The following FBN1 variants were observed in gnomAD, a reference collection of about 807,000 sequenced individuals.
The protein encoded by FBN1 is fibrillin-1.
FBN1 carries 29 observed loss-of-function variants against 365.1 expected under a neutral mutation model. That is an observed-to-expected ratio of 0.08 (90% confidence interval 0.06 to 0.11). The LOEUF (loss-of-function observed/expected upper bound fraction) is 0.11, where lower values mean the gene tolerates loss of function less well. Ranked by LOEUF, FBN1 falls within the 10% of genes least tolerant of loss-of-function variation. The pLI, the probability that FBN1 is intolerant of heterozygous loss-of-function variation, is 1.00. For synonymous variants in FBN1, 1,210 were observed against 1,270.5 expected (o/e 0.95, Z 1.01); for missense variants, 2,476 against 3,703.2 (o/e 0.67, Z 8.60).
chr15:48,496,911 T>G (rs1303060354), intron 19 of FBN1, among the ~76,000 whole-genome samples: 1 of 152,196 alleles, frequency 6.6e-6, no homozygotes, highest in African/African-American at 2.4e-5. Flanking sequence ...GGAGAAGAGC[T>G]GCTTCTCTCT....
intron 7 of FBN1, 40 bp downstream of exon 7, chr15:48,537,559 CTCCAGAGCAAAT>C: frequency 6.2e-7 from 1 of 1,607,216 alleles, no homozygotes; most frequent in Non-Finnish European, 8.5e-7. Flanking sequence ...GAGAATGGCT[CTCCAGAGCAAAT>C]AAGATTAATC....
chr15:48,467,208 C>T (rs1413242826), intron 38 of FBN1, among the ~76,000 whole-genome samples: 2 of 152,172 alleles, frequency 1.3e-5, no homozygotes, highest in Non-Finnish European at 2.9e-5. Context: ...GCCTACTATG[C>T]TGTATTCTCC....
chr15:48,494,916 T>C (rs1004576517), intron 22 of FBN1, among the ~76,000 whole-genome samples: 3 of 152,176 alleles, frequency 2.0e-5, no homozygotes, highest in African/African-American at 7.2e-5. Flanking sequence ...CTAACCACAT[T>C]ACAATGTGAA....
chr15:48,470,421 C>CAAACT (rs778339018), intron 36 of FBN1, among the ~76,000 whole-genome samples: 1 of 152,210 alleles, frequency 6.6e-6, no homozygotes, highest in Non-Finnish European at 1.5e-5. Context: ...TTCAAGGCTA[C>CAAACT]AAACTGTGCT....
intron 5 of FBN1, among the ~76,000 whole-genome samples, chr15:48,598,677 A>G (rs1274666656): frequency 6.6e-6 from 1 of 152,102 alleles, no homozygotes; most frequent in Non-Finnish European, 1.5e-5. Flanking sequence ...CTGACAGGTA[A>G]GCTCCTACCC....
chr15:48,503,211 C>T (rs920929896), intron 17 of FBN1, among the ~76,000 whole-genome samples: 1 of 149,398 alleles, frequency 6.7e-6, no homozygotes, highest in African/African-American at 2.5e-5. Flanking sequence ...GGCAGAGAAT[C>T]ACTTGAACCC....
At chr15:48,565,115 A>G (rs1056165795) in intron 6 of FBN1, among the ~76,000 whole-genome samples, 1 of 152,212 alleles carries the variant, frequency 6.6e-6, no homozygotes, top group African/African-American at 2.4e-5. Context: ...CCTTGGTCAG[A>G]TAAAGATCTA....
intron 63 of FBN1, 88 bp from the exon 64 acceptor site, chr15:48,415,855 C>G: frequency 1.8e-6 from 2 of 1,123,706 alleles, no homozygotes; most frequent in Non-Finnish European, 2.7e-6. Context: ...TGCCGGCCAG[C>G]TGGCCCTCAG....
At chr15:48,476,312 C>T (rs1029968600) in intron 32 of FBN1, among the ~76,000 whole-genome samples, 3 of 151,932 alleles carry the variant, frequency 2.0e-5, no homozygotes, top group African/African-American at 7.2e-5. Context: ...GCCTAAATTT[C>T]TCTCCTATAT....
intron 8 of FBN1, among the ~76,000 whole-genome samples, chr15:48,530,234 G>A (rs988095966): frequency 7.3e-6 from 1 of 136,990 alleles, no homozygotes; most frequent in Non-Finnish European, 1.6e-5. Context: ...TGCATCCGCC[G>A]CCTGATCACA....
chr15:48,507,370 A>ATATTTCTATG (rs1274745258), intron 15 of FBN1, among the ~76,000 whole-genome samples: 3 of 152,142 alleles, frequency 2.0e-5, no homozygotes, highest in African/African-American at 7.2e-5. Context: ...ACACTGTAGA[A>ATATTTCTATG]TATTTCTATG....
chr15:48,489,816 G>T (rs1405736394), intron 25 of FBN1, 35 bp downstream of exon 25: 7 of 1,537,250 alleles, frequency 4.6e-6, no homozygotes, highest in Middle Eastern at 1.7e-4. Context: ...GTCTAAAAAG[G>T]GAGGCAATTG....
chr15:48,610,556 T>C (rs1240261269), intron 4 of FBN1, among the ~76,000 whole-genome samples, 172 bp downstream of exon 4: 3 of 152,238 alleles, frequency 2.0e-5, no homozygotes, highest in African/African-American at 4.8e-5. Context: ...AGAAGGGAAA[T>C]GAGAGGCCAG....
intron 10 of FBN1, among the ~76,000 whole-genome samples, chr15:48,520,302 C>T (rs1020244909): frequency 1.3e-5 from 2 of 151,928 alleles, no homozygotes; most frequent in Admixed American, 6.6e-5. Flanking sequence ...GGAAATGTGT[C>T]TCCTGAACAA....
At chr15:48,451,755 G>T (rs1466545301) in intron 45 of FBN1, among the ~76,000 whole-genome samples, 1 of 152,096 alleles carries the variant, frequency 6.6e-6, no homozygotes, top group Non-Finnish European at 1.5e-5. Flanking sequence ...TAAATATACA[G>T]ATTCAGAATT....
At chr15:48,534,285 C>T in intron 7 of FBN1, 80 bp from the exon 8 acceptor site, 1 of 1,423,608 alleles carries the variant, frequency 7.0e-7, no homozygotes, top group Non-Finnish European at 9.7e-7. Flanking sequence ...ATAATTTGTC[C>T]ACAATTATGT....
chr15:48,414,991 G>A (rs1034109567), intron 64 of FBN1, among the ~76,000 whole-genome samples: 1 of 151,794 alleles, frequency 6.6e-6, no homozygotes, highest in Non-Finnish European at 1.5e-5. Context: ...TTTTAACCAG[G>A]AAAATACAGT....
chr15:48,476,610 CTTTTT>C (rs56969171), intron 32 of FBN1: 22 of 120,026 alleles, frequency 1.8e-4, no homozygotes, highest in African/African-American at 6.2e-4. Context: ...CTTTTCTTTT[CTTTTT>C]TTTTTTTTTT....
At position 48,568,889 on chromosome 15, in the gene FBN1, C is replaced by G. The variant is rs1045419198; in HGVS notation, c.538+27394G>C. On this transcript the variant is annotated intron_variant, in intron 6 of 65. Transcript: ENST00000316623. Reference sequence around the variant, plus strand: ...TATAAGAGCTAAAACTATGCAACTTCTAGAAGAAAACATGAGAAAAATTTT... The same window carrying G: ...TATAAGAGCTAAAACTATGCAACTTGTAGAAGAAAACATGAGAAAAATTTT... Among the ~76,000 whole-genome samples the G allele has an allele frequency of 2.6e-5, 4 of 151,906 alleles. 1 individual carries two copies. Among genetic ancestry groups the G allele is most frequent in the African/African-American group, 9.7e-5 (4 of 41,352 alleles).
Sources: gnomAD v4.1 joint callset for allele counts (sites outside exome capture counted in the v4.1 genomes callset) on GRCh38, gnomAD v4.1.1 for gene constraint, MANE v1.5 for transcripts, NCBI Gene and HGNC (gene_info 2026-07-23, HGNC 2026-07-21) for gene names.